LCMT1: variants seen among roughly 807,000 people sequenced by gnomAD.
The protein encoded by LCMT1 is leucine carboxyl methyltransferase 1, also known as [Phosphatase 2A protein]-leucine-carboxy methyltransferase 1.
In LCMT1, 32 loss-of-function variants were observed where a neutral mutation model predicts 47.7. The observed-to-expected ratio is 0.67, with a 90% CI of 0.51 to 0.90. LCMT1 has a LOEUF of 0.90. Ranked by LOEUF, LCMT1 falls within the 40% of genes least tolerant of loss-of-function variation. LCMT1 has a pLI of 0.00. For synonymous variants in LCMT1, 152 were observed against 149.7 expected, an observed-to-expected ratio of 1.02 and a Z score of -0.11; for missense variants, 375 against 415.2, an observed-to-expected ratio of 0.90 and a Z score of 0.84.
At chr16:25,152,929 T>G (rs1189896803) in intron 5 of LCMT1, among the ~76,000 whole-genome samples, 1 of 152,138 alleles carries the variant, frequency 6.6e-6, no homozygotes, top group African/African-American at 2.4e-5. Flanking sequence ...TTGTTTTCAG[T>G]TTTTGTCTGA....
At position 25,111,778 on chromosome 16, in the gene LCMT1, T is replaced by C; in HGVS notation, c.-106T>C. Reference sequence around the variant, plus strand: ...GCGCCAGCTGAGCCAGGTAGGGCCCTACCCTCTTCTGTTGCTTTCTCCCTG... The same window carrying C: ...GCGCCAGCTGAGCCAGGTAGGGCCCCACCCTCTTCTGTTGCTTTCTCCCTG... On this transcript the variant is annotated 5_prime_UTR_variant, in exon 1 of 11. Coordinates refer to ENST00000399069, the MANE Select transcript of LCMT1 (RefSeq NM_016309.3). 2.6e-6 allele frequency: 2 copies of C among 768,118 alleles called. No homozygotes were observed. Among genetic ancestry groups the C allele is most frequent in the Non-Finnish European group, 4.5e-6 (2 of 444,566 alleles). The allele number at this position is 768,118 out of a possible 1,614,324, so 47.6% of individuals were successfully genotyped here.
At chr16:25,112,130 C>T (rs1463373540) in intron 1 of LCMT1, 134 bp downstream of exon 1, 1 of 711,114 alleles carries the variant, frequency 1.4e-6, no homozygotes, top group African/African-American at 1.7e-5. Context: ...CGCTTCCCAC[C>T]TGTGAAGTGC....
At position 25,169,180 on chromosome 16, in the gene LCMT1, G is replaced by A. The variant is rs769309569; in HGVS notation, c.759G>A (p.Ala253=). ...TGCGGAGACGCCAGTGTGACCTGGC[G>A]GGAGTGGAGACCTGCAAGTCATTAG... ...ENLRRRQCDL[A]GVETCKSLES... Residue 253 remains alanine (A), a synonymous_variant, in exon 8 of 11, where the codon GCG becomes GCA. Transcript: ENST00000399069. 1.7e-5 allele frequency: 27 copies of A among 1,613,294 alleles called. No individual in the cohort carries two copies. The highest frequency in any genetic ancestry group is 1.0e-4 in the Admixed American group (6 of 60,002).
intron 1 of LCMT1, among the ~76,000 whole-genome samples, chr16:25,127,224 C>G (rs536113213): frequency 6.6e-6 from 1 of 152,196 alleles, no homozygotes; most frequent in African/African-American, 2.4e-5. Context: ...TTACTTGGTT[C>G]AACATTTAAA....
chr16:25,132,815 C>T (rs1238257006), intron 3 of LCMT1, among the ~76,000 whole-genome samples: 1 of 151,056 alleles, frequency 6.6e-6, no homozygotes, highest in East Asian at 1.9e-4. Context: ...GAAATTCTAC[C>T]AGTAGAATTG....
intron 1 of LCMT1, among the ~76,000 whole-genome samples, chr16:25,113,173 G>C (rs955155422): frequency 6.9e-6 from 1 of 145,828 alleles, no homozygotes; most frequent in African/African-American, 2.5e-5. Flanking sequence ...GAGAAGAAAA[G>C]GCTTGAAAAA....
At chr16:25,114,031 GA>G (rs1689893335) in intron 1 of LCMT1, among the ~76,000 whole-genome samples, 1 of 152,206 alleles carries the variant, frequency 6.6e-6, no homozygotes, top group Non-Finnish European at 1.5e-5. Context: ...GACACAAAGT[GA>G]AGCCCTCAGT....
rs764905479 is a variant in LCMT1 at position 25,126,173 on chromosome 16, G to A, written c.114-2302G>A. ...AGGTGGGAGCCGGTGGGAGTTGCTG[G>A]CTGGGTGTGTTTGCATTATGGACCC... On this transcript the variant is annotated intron_variant, in intron 1 of 10. Coordinates refer to ENST00000399069, the MANE Select transcript of LCMT1 (RefSeq NM_016309.3). 2.2e-6 allele frequency: 3 copies of A among 1,341,318 alleles called. No homozygotes were observed. In the African/African-American group the frequency reaches 4.4e-5, roughly 20 times the overall value. The allele number at this position is 1,341,318 out of a possible 1,614,324, so 83.1% of individuals were successfully genotyped here. A position where few individuals can be genotyped will look rare whatever the true frequency, so the allele number is the denominator to read the frequency against.
chr16:25,156,946 T>TA (rs1961276771), intron 5 of LCMT1, among the ~76,000 whole-genome samples: 1 of 151,386 alleles, frequency 6.6e-6, no homozygotes. Context: ...TTACCTTTTT[T>TA]TTTTTTTTTT....
chr16:25,131,794 C>T (rs1025043873), intron 2 of LCMT1, among the ~76,000 whole-genome samples: 2 of 152,166 alleles, frequency 1.3e-5, no homozygotes, highest in African/African-American at 4.8e-5. Flanking sequence ...TGTGGTCTAT[C>T]CTCCCAAGAA....
chr16:25,171,211 G>A (rs1285684057), intron 9 of LCMT1, among the ~76,000 whole-genome samples: 1 of 151,934 alleles, frequency 6.6e-6, no homozygotes, highest in East Asian at 1.9e-4. Context: ...CTTCACTCCA[G>A]CCTGGGCAAA....
At chr16:25,115,441 C>T (rs1395303245) in intron 1 of LCMT1, among the ~76,000 whole-genome samples, 3 of 152,124 alleles carry the variant, frequency 2.0e-5, no homozygotes, top group South Asian at 4.1e-4. Flanking sequence ...GGCTTGGTGC[C>T]GCTACGATCA....
intron 1 of LCMT1, among the ~76,000 whole-genome samples, chr16:25,113,416 A>G (rs1188275876): frequency 2.6e-5 from 4 of 152,194 alleles, no homozygotes; most frequent in African/African-American, 9.7e-5. Flanking sequence ...CTGGCAGTAT[A>G]AAGTCGGGGA....
chr16:25,153,006 T>C (rs1415852831), intron 5 of LCMT1, among the ~76,000 whole-genome samples: 1 of 152,050 alleles, frequency 6.6e-6, no homozygotes, highest in African/African-American at 2.4e-5. Context: ...CCTTCACCAG[T>C]AGTCAGCACA....
At chr16:25,164,012 T>C (rs1014620463) in intron 6 of LCMT1, among the ~76,000 whole-genome samples, 1 of 152,162 alleles carries the variant, frequency 6.6e-6, no homozygotes, top group Non-Finnish European at 1.5e-5. Context: ...AGGTGGACAG[T>C]GGGCAGGCCA....
intron 7 of LCMT1, among the ~76,000 whole-genome samples, chr16:25,165,613 G>T (rs949794344): frequency 2.6e-5 from 4 of 151,886 alleles, no homozygotes; most frequent in African/African-American, 9.7e-5. Flanking sequence ...CGCCTCCTGG[G>T]TTCAAGCGAT....
At chr16:25,148,785 C>T (rs1458006660) in intron 4 of LCMT1, 1 of 152,210 alleles carries the variant, frequency 6.6e-6, no homozygotes, top group Non-Finnish European at 1.5e-5. Flanking sequence ...CTCGCAGGCT[C>T]ACAAGCCTCC....
intron 5 of LCMT1, among the ~76,000 whole-genome samples, chr16:25,159,992 G>T (rs1048277522): frequency 2.7e-5 from 4 of 149,370 alleles, no homozygotes; most frequent in Admixed American, 1.3e-4. Flanking sequence ...CTGAGATGGA[G>T]CCTCACTCTG....
chr16:25,138,419 C>T (rs183684257), intron 3 of LCMT1, among the ~76,000 whole-genome samples: 1 of 151,822 alleles, frequency 6.6e-6, no homozygotes, highest in East Asian at 1.9e-4. Context: ...AGGAGGGCAC[C>T]GAGAGAACAC....
Sources: gnomAD v4.1 joint callset for allele counts (sites outside exome capture counted in the v4.1 genomes callset) on GRCh38, gnomAD v4.1.1 for gene constraint, MANE v1.5 for transcripts, NCBI Gene and HGNC (gene_info 2026-07-23, HGNC 2026-07-21) for gene names.